The following ATP2B2 variants were observed in gnomAD, a reference collection of about 807,000 sequenced individuals.
The protein encoded by ATP2B2 is plasma membrane calcium-transporting ATPase 2.
Under a neutral mutation model 120.0 loss-of-function variants are expected in ATP2B2, and 15 were observed. The observed-to-expected ratio is 0.12, with a 90% CI of 0.08 to 0.19. The LOEUF is 0.19. Among genes scored for constraint, ATP2B2 ranks in the 10% least tolerant of loss-of-function variants. ATP2B2 has a pLI of 1.00. For missense variants in ATP2B2, 1,045 were observed against 1,719.8 expected (o/e 0.61, Z 6.94); for synonymous variants, 694 against 700.3 (o/e 0.99, Z 0.14).
intron 1 of ATP2B2, among the ~76,000 whole-genome samples, chr3:10,683,760 G>GTGTGTATATATATA (rs1446781892): frequency 1.1e-3 from 57 of 53,864 alleles, no homozygotes; most frequent in Non-Finnish European, 1.4e-3. Flanking sequence ...GTGTGTGTGT[G>GTGTGTATATATATA]TATATATATA....
chr3:10,497,302 T>C (rs1205715806), intron 1 of ATP2B2, among the ~76,000 whole-genome samples: 4 of 152,180 alleles, frequency 2.6e-5, no homozygotes, highest in Admixed American at 2.0e-4. Flanking sequence ...AGAGGCAGCA[T>C]TGGGCTGGTG....
intron 2 of ATP2B2, among the ~76,000 whole-genome samples, chr3:10,427,438 CT>C (rs2063180427): frequency 6.6e-6 from 1 of 152,226 alleles, no homozygotes. Context: ...GGCTCACTGC[CT>C]TCTGACCCAC....
chr3:10,634,401 A>G (rs980160106), intron 1 of ATP2B2, among the ~76,000 whole-genome samples: 1 of 152,194 alleles, frequency 6.6e-6, no homozygotes, highest in East Asian at 1.9e-4. Context: ...GCCGTGTCCA[A>G]TTCAGCCTTG....
intron 1 of ATP2B2, among the ~76,000 whole-genome samples, chr3:10,504,477 T>G (rs540224268): frequency 4.0e-5 from 6 of 151,854 alleles, no homozygotes; most frequent in Non-Finnish European, 8.8e-5. Context: ...CTTACCCTTC[T>G]GAAGGTCGAG....
intron 1 of ATP2B2, among the ~76,000 whole-genome samples, chr3:10,631,619 C>A (rs1320553846): frequency 6.6e-6 from 1 of 152,150 alleles, no homozygotes; most frequent in Non-Finnish European, 1.5e-5. Flanking sequence ...GTGGGACAGA[C>A]CATATAAAGT....
At chr3:10,356,735 C>CT (rs2060742379) in intron 14 of ATP2B2, among the ~76,000 whole-genome samples, 1 of 152,122 alleles carries the variant, frequency 6.6e-6, no homozygotes, top group Non-Finnish European at 1.5e-5. Context: ...TTTTCAGTAA[C>CT]GAGATAACAC....
At chr3:10,590,621 C>T (rs17033160) in intron 2 of ATP2B2, among the ~76,000 whole-genome samples, 5,442 of 152,254 alleles carry the variant, frequency 0.036, 319 homozygotes, top group African/African-American at 0.12. Context: ...ATTCACTCTG[C>T]GTCGTTCTTA....
chr3:10,572,404 A>G (rs1402175845), intron 2 of ATP2B2, among the ~76,000 whole-genome samples: 1 of 152,232 alleles, frequency 6.6e-6, no homozygotes, highest in Non-Finnish European at 1.5e-5. Flanking sequence ...GTTGGGGAAG[A>G]TGAAAAATTT....
intron 12 of ATP2B2, among the ~76,000 whole-genome samples, chr3:10,370,091 T>C (rs1159522279): frequency 6.6e-6 from 1 of 152,228 alleles, no homozygotes; most frequent in African/African-American, 2.4e-5. Context: ...TTATGCCACC[T>C]GAAAAGACTC....
At chr3:10,519,063 C>T (rs1182398205) in intron 3 of ATP2B2, among the ~76,000 whole-genome samples, 1 of 152,262 alleles carries the variant, frequency 6.6e-6, no homozygotes, top group African/African-American at 2.4e-5. Context: ...ATTCTTACAA[C>T]AACCCCACAA....
intron 2 of ATP2B2, among the ~76,000 whole-genome samples, chr3:10,581,744 A>G (rs1450889881): frequency 3.9e-5 from 6 of 152,226 alleles, no homozygotes; most frequent in Non-Finnish European, 2.9e-5. Flanking sequence ...CAAGGGCACA[A>G]TCCATCTGAC....
chr3:10,627,059 A>C (rs1192089448), intron 1 of ATP2B2, among the ~76,000 whole-genome samples: 1 of 152,130 alleles, frequency 6.6e-6, no homozygotes, highest in Admixed American at 6.5e-5. Context: ...CCATTTCCCC[A>C]TGTGTAAAAC....
chr3:10,615,894 C>G (rs879421803), intron 2 of ATP2B2, among the ~76,000 whole-genome samples: 9 of 151,934 alleles, frequency 5.9e-5, no homozygotes, highest in Non-Finnish European at 1.3e-4. Flanking sequence ...CTTGAGCAGC[C>G]ACTCTGTGAT....
At chr3:10,539,630 T>G (rs1204449697) in intron 2 of ATP2B2, among the ~76,000 whole-genome samples, 1 of 152,210 alleles carries the variant, frequency 6.6e-6, no homozygotes, top group East Asian at 1.9e-4. Context: ...GATCCCCTAT[T>G]TAATAAATAG....
intron 2 of ATP2B2, among the ~76,000 whole-genome samples, chr3:10,572,098 G>T (rs372691515): frequency 3.9e-5 from 6 of 152,252 alleles, no homozygotes; most frequent in Admixed American, 1.3e-4. Context: ...CTCTGCCATC[G>T]CCATAAGAAG....
intron 7 of ATP2B2, 119 bp from the exon 8 acceptor site, chr3:10,385,446 A>C (rs567203042): frequency 1.3e-4 from 111 of 841,476 alleles, no homozygotes; most frequent in Middle Eastern, 4.5e-4. Flanking sequence ...AAAAAAAATT[A>C]TCCTTTGGAA....
At chr3:10,457,370 CTG>C (rs1338344928) in intron 1 of ATP2B2, among the ~76,000 whole-genome samples, 3 of 152,034 alleles carry the variant, frequency 2.0e-5, no homozygotes, top group African/African-American at 7.3e-5. Flanking sequence ...GGGACAGGGT[CTG>C]GGGGCACACC....
intron 15 of ATP2B2, 62 bp downstream of exon 15, chr3:10,350,336 C>A: frequency 1.2e-6 from 2 of 1,610,196 alleles, no homozygotes; most frequent in Non-Finnish European, 1.7e-6. Flanking sequence ...CATGCAGCAC[C>A]CTACCTCCCA....
In ATP2B2 at chr3:10,380,611, C is replaced by T. The variant is rs114064177; in HGVS notation, c.1001-1327G>A. 7.0e-3 allele frequency among the ~76,000 whole-genome samples: 1,062 copies of T among 152,270 alleles called. 10 individuals are homozygous for T. The highest frequency in any genetic ancestry group is 0.023 in the African/African-American group (972 of 41,556). The stretch of plus-strand genomic sequence containing the variant: ...TAAATGGAGAGCTGGCCCCAAAGTG[C>T]GTGCCTACTTCCGTCCTGCCATTGC... On this transcript the variant is annotated intron_variant, in intron 8 of 22. Transcript: ENST00000360273.
Sources: allele counts gnomAD v4.1 joint callset (sites outside exome capture counted in the v4.1 genomes callset), GRCh38; gene constraint gnomAD v4.1.1; transcripts MANE v1.5; gene names NCBI Gene and HGNC (gene_info 2026-07-23, HGNC 2026-07-21).